Variants in CEP128 observed in about 807,000 individuals in gnomAD.
CEP128 encodes centrosomal protein 128.
Under a neutral mutation model 156.7 loss-of-function variants are expected in CEP128, and 132 were observed. The ratio of observed to expected loss-of-function variants is 0.84; its 90% CI spans 0.73 to 0.97. The LOEUF is 0.97. Among genes scored for constraint, CEP128 ranks in the 50% least tolerant of loss-of-function variants. The probability of loss-of-function intolerance (pLI) is 0.00; values close to 1 mark genes in which losing one functional copy is unlikely to be tolerated. For synonymous variants in CEP128, 469 were observed against 448.9 expected, an observed-to-expected ratio of 1.04 and a Z score of -0.57; for missense variants, 1,252 against 1,281.9, an observed-to-expected ratio of 0.98 and a Z score of 0.36.
intron 18 of CEP128, among the ~76,000 whole-genome samples, chr14:80,749,324 G>A (rs550385251): frequency 6.6e-5 from 10 of 152,274 alleles, no homozygotes; most frequent in African/African-American, 9.6e-5. Context: ...CGATGTCTGC[G>A]CTCCCACATT....
At chr14:80,841,602 T>C (rs1407782447) in intron 9 of CEP128, among the ~76,000 whole-genome samples, 1 of 152,028 alleles carries the variant, frequency 6.6e-6, no homozygotes, top group Non-Finnish European at 1.5e-5. Context: ...TTACATATAT[T>C]CAAAATATAC....
intron 19 of CEP128, among the ~76,000 whole-genome samples, chr14:80,649,760 G>A (rs1208152376): frequency 1.3e-5 from 2 of 152,090 alleles, no homozygotes; most frequent in East Asian, 3.8e-4. Flanking sequence ...CCTCTGTTCT[G>A]GTCCATTGAT....
chr14:80,910,239 C>A (rs1884128910), intron 4 of CEP128, among the ~76,000 whole-genome samples: 1 of 152,178 alleles, frequency 6.6e-6, no homozygotes, highest in Non-Finnish European at 1.5e-5. Flanking sequence ...AACTACTGTG[C>A]ACCAGTATAA....
At chr14:80,784,781 C>G in intron 15 of CEP128, 114 bp downstream of exon 15, 1 of 950,994 alleles carries the variant, frequency 1.1e-6, no homozygotes, top group Non-Finnish European at 1.6e-6. Context: ...TTGGTTTTAT[C>G]TTCCCTTCAG....
chr14:80,608,624 T>G (rs1400704088), intron 19 of CEP128, among the ~76,000 whole-genome samples: 1 of 152,184 alleles, frequency 6.6e-6, no homozygotes. Context: ...CTGATCACAC[T>G]AAACTATTTG....
At chr14:80,914,145 C>A (rs1884410071) in intron 4 of CEP128, among the ~76,000 whole-genome samples, 177 bp downstream of exon 4, 1 of 152,126 alleles carries the variant, frequency 6.6e-6, no homozygotes, top group African/African-American at 2.4e-5. Context: ...TTTATATAAG[C>A]TAGTTAGCAA....
chr14:80,701,538 T>C (rs1375050713), intron 19 of CEP128, among the ~76,000 whole-genome samples: 1 of 152,180 alleles, frequency 6.6e-6, no homozygotes, highest in East Asian at 1.9e-4. Context: ...TCTTCTCTCC[T>C]GCCTCAAAGA....
intron 20 of CEP128, among the ~76,000 whole-genome samples, chr14:80,567,043 C>G (rs1353328350): frequency 6.6e-6 from 1 of 152,116 alleles, no homozygotes; most frequent in Non-Finnish European, 1.5e-5. Flanking sequence ...TCTGATAGAA[C>G]CAGAAGCAGA....
chr14:80,816,184 ACAAGCTAT>A (rs555355883), intron 13 of CEP128, among the ~76,000 whole-genome samples: 186 of 152,326 alleles, frequency 1.2e-3, no homozygotes, highest in African/African-American at 4.3e-3. Context: ...CATCTGAGTC[ACAAGCTAT>A]TCCCATCCTG....
In CEP128 at chr14:80,671,544, A is replaced by G. The variant is rs1032519027; in HGVS notation, c.2806+71531T>C. On this transcript the variant is annotated intron_variant, in intron 19 of 24. Coordinates refer to ENST00000555265, the MANE Select transcript of CEP128 (RefSeq NM_152446.5). ...AAACCATCACATAACATAAACTCAT[A>G]GACTCTTCTATTCTTTATAAACAAT... is the stretch of plus-strand genomic sequence containing the variant. Among the ~76,000 whole-genome samples, 7 of 152,326 alleles carry G rather than the reference A, an allele frequency of 4.6e-5. No individual in the cohort carries two copies. In the East Asian group the frequency reaches 1.4e-3, roughly 29 times the overall value.
chr14:80,861,369 G>C (rs1412048252), intron 9 of CEP128, among the ~76,000 whole-genome samples: 1 of 151,936 alleles, frequency 6.6e-6, no homozygotes, highest in Non-Finnish European at 1.5e-5. Context: ...GAGAATAATT[G>C]TAACTTTAAC....
chr14:80,567,528 C>T (rs562111289), intron 20 of CEP128, among the ~76,000 whole-genome samples: 4 of 152,198 alleles, frequency 2.6e-5, no homozygotes, highest in East Asian at 3.9e-4. Context: ...TTTCAAATCA[C>T]GAAGCAAAGC....
chr14:80,557,520 A>G (rs1167426648), intron 21 of CEP128, among the ~76,000 whole-genome samples: 1 of 152,226 alleles, frequency 6.6e-6, no homozygotes, highest in Non-Finnish European at 1.5e-5. Flanking sequence ...TTAAAAAAGC[A>G]TTTAATTCAC....
chr14:80,480,577 G>A (rs1158644228), intron 14 of CEP128, among the ~76,000 whole-genome samples: 2 of 152,132 alleles, frequency 1.3e-5, no homozygotes, highest in African/African-American at 2.4e-5. Context: ...GATGGGAGGG[G>A]CTGCCGAGAA....
chr14:80,564,989 G>A (rs1482532757), intron 20 of CEP128, among the ~76,000 whole-genome samples: 1 of 152,114 alleles, frequency 6.6e-6, no homozygotes, highest in Admixed American at 6.6e-5. Flanking sequence ...AACCCAGGAG[G>A]TGGAGGTTGC....
At chr14:80,950,857 G>A (rs896396870) in intron 2 of CEP128, among the ~76,000 whole-genome samples, 1 of 144,322 alleles carries the variant, frequency 6.9e-6, no homozygotes, top group African/African-American at 2.6e-5. Flanking sequence ...GCACATTACA[G>A]TGAAATTGCT....
At position 80,922,708 on chromosome 14, in the gene CEP128, T is replaced by A. The variant is rs1845946823; in HGVS notation, c.-15-6146A>T. ...TGCTCAAGGAAAATCTTCATTATTG[T>A]CTTTAAAGATTTAAAAGAAAAAAGT... On this transcript the variant is annotated intron_variant, in intron 2 of 24. Coordinates refer to ENST00000555265, the MANE Select transcript of CEP128 (RefSeq NM_152446.5). Among the ~76,000 whole-genome samples the A allele has an allele frequency of 2.0e-5, 3 of 152,184 alleles. No homozygotes were observed. In the South Asian group the frequency reaches 6.2e-4, roughly 31 times the overall value.
chr14:80,757,119 A>G (rs1899706486), intron 17 of CEP128, among the ~76,000 whole-genome samples, 168 bp from the exon 18 acceptor site: 1 of 152,242 alleles, frequency 6.6e-6, no homozygotes, highest in Admixed American at 6.5e-5. Context: ...GCATTCATTT[A>G]TATGCCTTTT....
At chr14:80,698,209 G>A (rs939651935) in intron 19 of CEP128, among the ~76,000 whole-genome samples, 5 of 152,000 alleles carry the variant, frequency 3.3e-5, no homozygotes, top group African/African-American at 4.8e-5. Context: ...GAGAGTTAGT[G>A]AGAGTAGTTT....
Sources: gnomAD v4.1 joint callset for allele counts (sites outside exome capture counted in the v4.1 genomes callset) on GRCh38, gnomAD v4.1.1 for gene constraint, MANE v1.5 for transcripts, NCBI Gene and HGNC (gene_info 2026-07-23, HGNC 2026-07-21) for gene names.